SND1: variants seen among roughly 807,000 people sequenced by gnomAD.
SND1 encodes staphylococcal nuclease and tudor domain containing 1, also known as staphylococcal nuclease domain-containing protein 1.
Under a neutral mutation model 121.7 loss-of-function variants are expected in SND1, and 38 were observed. That is an observed-to-expected ratio of 0.31 (90% CI 0.24 to 0.41). SND1 has a LOEUF of 0.41. Ranked by LOEUF, SND1 falls within the 10% of genes least tolerant of loss-of-function variation. SND1 has a pLI of 1.00. For missense variants in SND1, 868 were observed against 1,184.6 expected (o/e 0.73, Z 3.92); for synonymous variants, 401 against 447.4 (o/e 0.90, Z 1.31).
chr7:128,050,306 G>A (rs553577665), intron 16 of SND1, among the ~76,000 whole-genome samples: 10 of 152,210 alleles, frequency 6.6e-5, no homozygotes, highest in Non-Finnish European at 1.5e-4. Flanking sequence ...GACAAATTGA[G>A]GCAGAAGGAT....
chr7:128,022,360 G>T (rs536224791), intron 16 of SND1, among the ~76,000 whole-genome samples: 5 of 152,288 alleles, frequency 3.3e-5, no homozygotes, highest in East Asian at 3.9e-4. Context: ...GAAAGCCTAA[G>T]TACTATCTTG....
chr7:128,030,354 C>G (rs746701145), intron 16 of SND1: 1 of 1,613,914 alleles, frequency 6.2e-7, no homozygotes, highest in Non-Finnish European at 8.5e-7. Context: ...GTGGAGGTGG[C>G]GGAAGGTGTC....
chr7:128,055,016 A>G (rs903055822), intron 16 of SND1, among the ~76,000 whole-genome samples: 1 of 152,184 alleles, frequency 6.6e-6, no homozygotes, highest in African/African-American at 2.4e-5. Context: ...TGCCCGATCT[A>G]TTGGCCTGCA....
intron 9 of SND1, 92 bp downstream of exon 9, chr7:127,707,739 T>A: frequency 8.8e-7 from 1 of 1,138,094 alleles, no homozygotes; most frequent in Non-Finnish European, 1.3e-6. Flanking sequence ...GCTGAAGCTC[T>A]TGAAAATTTC....
At chr7:128,045,430 A>C (rs1792929379) in intron 16 of SND1, among the ~76,000 whole-genome samples, 1 of 152,178 alleles carries the variant, frequency 6.6e-6, no homozygotes. Flanking sequence ...TACATCAAGG[A>C]GCCTGAGAGA....
At chr7:127,924,638 G>C (rs1161855922) in intron 14 of SND1, among the ~76,000 whole-genome samples, 1 of 152,018 alleles carries the variant, frequency 6.6e-6, no homozygotes, top group Admixed American at 6.6e-5. Flanking sequence ...TGGCTGTCTG[G>C]GGTGGTGGTC....
At chr7:127,978,344 A>G (rs1802176548) in intron 15 of SND1, among the ~76,000 whole-genome samples, 1 of 152,226 alleles carries the variant, frequency 6.6e-6, no homozygotes, top group Non-Finnish European at 1.5e-5. Flanking sequence ...TAAGGACAAC[A>G]TCTTAGGAGC....
chr7:127,888,115 G>T (rs1799945280), intron 13 of SND1, 103 bp downstream of exon 13: 31 of 645,544 alleles, frequency 4.8e-5, no homozygotes, highest in South Asian at 3.5e-4. Flanking sequence ...AAAATAATAT[G>T]CTGAGAAAGC....
At position 127,844,370 on chromosome 7, in the gene SND1, A is replaced by C; in HGVS notation, c.1289A>C (p.Glu430Ala). 1 of 1,613,692 alleles carries C rather than the reference A, an allele frequency of 6.2e-7. No individual in the cohort carries two copies. Among genetic ancestry groups the C allele is most frequent in the Non-Finnish European group, 8.5e-7 (1 of 1,179,772 alleles). The change falls in exon 12 of 24, where the codon GAG becomes GCG. Residue 430 changes from glutamate to alanine, a missense_variant. By Grantham distance (107) the Glu-to-Ala change is moderately radical. Coordinates refer to ENST00000354725, the MANE Select transcript of SND1 (RefSeq NM_014390.4). ...ATTAGACCAGCCAGCCCAGCCACAG[A>C]GACAGTGCCTGCCTTTTCAGAGCGT... ...DYIRPASPAT[E>A]TVPAFSERTC...
In SND1 at chr7:127,703,154, C is replaced by T; in HGVS notation, c.682-11C>T. 1 of 1,614,068 alleles carries T rather than the reference C, an allele frequency of 6.2e-7. No homozygotes were observed. The highest frequency in any genetic ancestry group is 8.5e-7 in the Non-Finnish European group (1 of 1,179,952). On this transcript the variant is annotated splice_polypyrimidine_tract_variant and intron_variant, in intron 6 of 23. Coordinates refer to ENST00000354725, the MANE Select transcript of SND1 (RefSeq NM_014390.4). ...AGGCTGCATTACTCACCTACCTTGC[C>T]TTTGCTTTAGTGCCCAACTTTTCGA...
chr7:127,908,611 G>A (rs907445144), intron 14 of SND1, among the ~76,000 whole-genome samples: 54 of 152,202 alleles, frequency 3.5e-4, no homozygotes, highest in African/African-American at 1.2e-3. Context: ...GAATTTGACC[G>A]ACTTGGTACT....
At chr7:127,782,223 T>C (rs972285344) in intron 10 of SND1, among the ~76,000 whole-genome samples, 1 of 152,168 alleles carries the variant, frequency 6.6e-6, no homozygotes, top group Non-Finnish European at 1.5e-5. Flanking sequence ...TCCTTTGTGG[T>C]TGTTGAGGAT....
intron 13 of SND1, among the ~76,000 whole-genome samples, chr7:127,899,297 C>T (rs897333355): frequency 1.3e-5 from 2 of 151,984 alleles, no homozygotes; most frequent in African/African-American, 2.4e-5. Flanking sequence ...CACACACACA[C>T]ACATTATACT....
At chr7:127,903,969 A>G (rs889921492) in intron 13 of SND1, among the ~76,000 whole-genome samples, 10 of 152,218 alleles carry the variant, frequency 6.6e-5, no homozygotes, top group Non-Finnish European at 1.3e-4. Flanking sequence ...CTGGCAGTAC[A>G]CAAGAAGGCC....
At chr7:127,819,758 G>A (rs548691406) in intron 11 of SND1, among the ~76,000 whole-genome samples, 3 of 152,294 alleles carry the variant, frequency 2.0e-5, no homozygotes, top group African/African-American at 7.2e-5. Context: ...GTTTTGCATT[G>A]ATTGGACTAC....
At position 128,028,840 on chromosome 7, in the gene SND1, T is replaced by C. The variant is rs1415527473; in HGVS notation, c.1779+37784T>C. 2.5e-6 allele frequency: 4 copies of C among 1,614,176 alleles called. No homozygotes were observed. The South Asian group carries it at 4.4e-5, about 18-fold the overall frequency. On this transcript the variant is annotated intron_variant, in intron 16 of 23. Transcript: ENST00000354725. ...GTGTTGTAGTTAATATGGTCATGAATTGTGGGCAGCACTACTGCCCCCTCA... is the reference window on the plus strand; with the variant it reads ...GTGTTGTAGTTAATATGGTCATGAACTGTGGGCAGCACTACTGCCCCCTCA...
intron 10 of SND1, among the ~76,000 whole-genome samples, chr7:127,776,608 G>A (rs528807237): frequency 5.0e-4 from 76 of 152,146 alleles, no homozygotes; most frequent in Non-Finnish European, 1.1e-3. Context: ...ATCAAAGGAG[G>A]TACATATTTA....
intron 15 of SND1, among the ~76,000 whole-genome samples, chr7:127,985,600 C>T (rs891311094): frequency 1.3e-5 from 2 of 152,214 alleles, no homozygotes; most frequent in Non-Finnish European, 2.9e-5. Context: ...GGCCAAATGG[C>T]AAATCCAGTC....
At chr7:127,928,391 C>T (rs1360126440) in intron 14 of SND1, among the ~76,000 whole-genome samples, 1 of 152,022 alleles carries the variant, frequency 6.6e-6, no homozygotes, top group African/African-American at 2.4e-5. Context: ...AGGCTGGCCA[C>T]TTCTCAAGGT....
Sources: allele counts gnomAD v4.1 joint callset (sites outside exome capture counted in the v4.1 genomes callset), GRCh38; gene constraint gnomAD v4.1.1; transcripts MANE v1.5; gene names NCBI Gene and HGNC (gene_info 2026-07-23, HGNC 2026-07-21).